KCNK13: variants seen among roughly 807,000 people sequenced by gnomAD.
The protein encoded by KCNK13 is potassium channel subfamily K member 13.
A neutral mutation model predicts 23.4 loss-of-function variants in KCNK13; 12 were observed. The ratio of observed to expected loss-of-function variants is 0.51; its 90% CI spans 0.33 to 0.83. The LOEUF is 0.83. Ranked by LOEUF, KCNK13 falls within the 40% of genes least tolerant of loss-of-function variation. KCNK13 has a pLI of 0.02. For synonymous variants in KCNK13, 231 were observed against 229.5 expected, an observed-to-expected ratio of 1.01 and a Z score of -0.06; for missense variants, 463 against 556.3, an observed-to-expected ratio of 0.83 and a Z score of 1.69.
At chr14:90,094,645 C>CTTTTTTTTTTTTTTT (rs778654067) in intron 1 of KCNK13, among the ~76,000 whole-genome samples, 67 of 111,614 alleles carry the variant, frequency 6.0e-4, no homozygotes, top group Non-Finnish European at 7.5e-4. Flanking sequence ...TCTTTTTTTT[C>CTTTTTTTTTTTTTTT]TTTTTTTTTT....
At chr14:90,144,240 G>A (rs1030482750) in intron 1 of KCNK13, among the ~76,000 whole-genome samples, 12 of 152,038 alleles carry the variant, frequency 7.9e-5, no homozygotes, top group Admixed American at 7.9e-4. Context: ...GTAATGTTTT[G>A]TAGTTTTCAG....
At chr14:90,134,745 G>T (rs1380941410) in intron 1 of KCNK13, among the ~76,000 whole-genome samples, 2 of 152,224 alleles carry the variant, frequency 1.3e-5, no homozygotes, top group Non-Finnish European at 2.9e-5. Flanking sequence ...AGAGACGTGT[G>T]TGATCCCTTT....
At chr14:90,127,171 A>G (rs1889810884) in intron 1 of KCNK13, among the ~76,000 whole-genome samples, 1 of 152,200 alleles carries the variant, frequency 6.6e-6, no homozygotes, top group Non-Finnish European at 1.5e-5. Context: ...GCAGGGTATG[A>G]TATGGGAACT....
intron 1 of KCNK13, among the ~76,000 whole-genome samples, chr14:90,109,313 A>T (rs1024927003): frequency 3.3e-5 from 5 of 152,076 alleles, no homozygotes; most frequent in Non-Finnish European, 5.9e-5. Context: ...AAAAAAAAGA[A>T]TTAGGTTCTA....
chr14:90,125,949 G>T (rs1295769239), intron 1 of KCNK13, among the ~76,000 whole-genome samples: 2 of 151,624 alleles, frequency 1.3e-5, no homozygotes, highest in Non-Finnish European at 1.5e-5. Flanking sequence ...ACCTGAGCCT[G>T]GGGAGGTTGA....
At chr14:90,119,842 C>T (rs546699159) in intron 1 of KCNK13, among the ~76,000 whole-genome samples, 7 of 152,254 alleles carry the variant, frequency 4.6e-5, no homozygotes, top group Non-Finnish European at 7.4e-5. Context: ...TCAAGTGATC[C>T]GCCCACCTTG....
chr14:90,109,714 ATT>A (rs78666512), intron 1 of KCNK13, among the ~76,000 whole-genome samples: 4 of 114,612 alleles, frequency 3.5e-5, no homozygotes, highest in African/African-American at 6.4e-5. Flanking sequence ...CTGGCCCTTT[ATT>A]TTTTTTTTTT....
intron 1 of KCNK13, among the ~76,000 whole-genome samples, chr14:90,153,466 C>T (rs777796483): frequency 3.9e-5 from 6 of 152,146 alleles, no homozygotes; most frequent in African/African-American, 7.2e-5. Flanking sequence ...GCCTGGAACC[C>T]GGTACATGCT....
chr14:90,097,383 G>GA (rs1889424187), intron 1 of KCNK13, among the ~76,000 whole-genome samples: 2 of 152,160 alleles, frequency 1.3e-5, no homozygotes, highest in Middle Eastern at 3.4e-3. Context: ...ACTGTCAAGG[G>GA]AACTGATCCA....
chr14:90,158,515 A>G (rs185580812), intron 1 of KCNK13, among the ~76,000 whole-genome samples: 7 of 152,338 alleles, frequency 4.6e-5, no homozygotes, highest in Non-Finnish European at 8.8e-5. Context: ...AAGGGGGGAA[A>G]ACACCAGGAT....
intron 1 of KCNK13, among the ~76,000 whole-genome samples, chr14:90,156,014 G>C (rs1005050562): frequency 1.3e-5 from 2 of 151,950 alleles, no homozygotes; most frequent in Non-Finnish European, 2.9e-5. Context: ...GACGAGCCTG[G>C]GCAACATGGC....
intron 1 of KCNK13, among the ~76,000 whole-genome samples, chr14:90,167,800 T>A (rs1890321210): frequency 6.6e-6 from 1 of 152,126 alleles, no homozygotes; most frequent in Non-Finnish European, 1.5e-5. Context: ...CCAAACCTCA[T>A]TTTACAAAAA....
chr14:90,083,492 C>G (rs896332573), intron 1 of KCNK13, among the ~76,000 whole-genome samples: 2 of 152,106 alleles, frequency 1.3e-5, no homozygotes, highest in Admixed American at 1.3e-4. Flanking sequence ...TGTTTGTTTC[C>G]TCCACAACTC....
chr14:90,125,635 A>G (rs910862274), intron 1 of KCNK13, among the ~76,000 whole-genome samples: 6 of 152,012 alleles, frequency 3.9e-5, no homozygotes, highest in Admixed American at 3.3e-4. Context: ...ACGCGCACAC[A>G]CACACAATGA....
intron 1 of KCNK13, among the ~76,000 whole-genome samples, chr14:90,065,202 T>C (rs2140385504): frequency 6.6e-6 from 1 of 152,324 alleles, no homozygotes; most frequent in South Asian, 2.1e-4. Context: ...ATTGTAACAT[T>C]ACATGATGGT....
At position 90,184,355 on chromosome 14, in the gene KCNK13, C is replaced by G; in HGVS notation, c.579C>G (p.Ser193=). 1.2e-6 allele frequency: 2 copies of G among 1,614,256 alleles called. No individual in the cohort carries two copies. The highest frequency in any genetic ancestry group is 1.7e-6 in the Non-Finnish European group (2 of 1,180,046). The change falls in exon 2 of 2, where the codon TCC becomes TCG. Residue 193 remains serine, a synonymous_variant. Transcript: ENST00000282146. This position sits in a 1 kb window ranked among gnomAD's most constrained non-coding sequence, Gnocchi z 5.6. ...EVDSLAGWKP[S]VYYVMLILCT... Reference sequence around the variant, plus strand: ...ACAGCCTGGCCGGCTGGAAGCCCTCCGTGTACTACGTCATGCTGATCCTAT... The same window carrying G: ...ACAGCCTGGCCGGCTGGAAGCCCTCGGTGTACTACGTCATGCTGATCCTAT...
intron 1 of KCNK13, among the ~76,000 whole-genome samples, chr14:90,141,037 C>T (rs1240978722): frequency 1.3e-5 from 2 of 152,134 alleles, no homozygotes; most frequent in Non-Finnish European, 2.9e-5. Context: ...CACCTGCCAC[C>T]CCATCCCCTG....
chr14:90,117,603 T>C (rs756979728), intron 1 of KCNK13, among the ~76,000 whole-genome samples: 1 of 151,904 alleles, frequency 6.6e-6, no homozygotes, highest in Non-Finnish European at 1.5e-5. Flanking sequence ...AAAAAAAAAT[T>C]AGGAATTGTT....
intron 1 of KCNK13, among the ~76,000 whole-genome samples, chr14:90,085,762 TATATAAATTATATA>T (rs1411857464): frequency 7.9e-6 from 1 of 127,116 alleles, no homozygotes; most frequent in African/African-American, 3.0e-5. Context: ...TATTATATAT[TATATAAATTATATA>T]TATTATATAT....
Sources: allele counts gnomAD v4.1 joint callset (sites outside exome capture counted in the v4.1 genomes callset), GRCh38; gene constraint gnomAD v4.1.1; non-coding constraint Gnocchi (gnomAD v3.1); transcripts MANE v1.5; gene names NCBI Gene and HGNC (gene_info 2026-07-23, HGNC 2026-07-21).